The following USP8 variants were observed in gnomAD, a reference collection of about 807,000 sequenced individuals.
USP8 encodes the protein ubiquitin specific peptidase 8.
Under a neutral mutation model 130.0 loss-of-function variants are expected in USP8, and 27 were observed. The ratio of observed to expected loss-of-function variants is 0.21; its 90% CI spans 0.15 to 0.29. The LOEUF is 0.29. USP8 is among the 10% of genes least tolerant of loss of function. USP8 has a pLI of 1.00. For synonymous variants in USP8, 392 were observed against 444.1 expected, an observed-to-expected ratio of 0.88 and a Z score of 1.48; for missense variants, 1,029 against 1,312.2, an observed-to-expected ratio of 0.78 and a Z score of 3.33.
chr15:50,451,964 G>A (rs966137767), intron 4 of USP8, among the ~76,000 whole-genome samples: 9 of 152,218 alleles, frequency 5.9e-5, no homozygotes, highest in African/African-American at 2.2e-4. Context: ...CTGATGTCAT[G>A]GTCTATGACC....
intron 2 of USP8, among the ~76,000 whole-genome samples, chr15:50,439,714 C>T (rs573045035): frequency 1.6e-4 from 24 of 151,442 alleles, no homozygotes; most frequent in African/African-American, 4.1e-4. Flanking sequence ...TGCTTGAACC[C>T]GGGAGGCGGA....
intron 7 of USP8, 67 bp downstream of exon 7, chr15:50,465,258 T>G (rs1276331835): frequency 6.7e-7 from 1 of 1,497,226 alleles, no homozygotes; most frequent in African/African-American, 1.4e-5. Flanking sequence ...TTAGTAAATG[T>G]TACTACTTAG....
chr15:50,439,279 A>C, intron 2 of USP8, 102 bp downstream of exon 2: 1 of 735,336 alleles, frequency 1.4e-6, no homozygotes, highest in East Asian at 3.0e-5. Context: ...GAAAAATAAC[A>C]CCATCACACG....
chr15:50,474,162 A>T (rs3131564), intron 8 of USP8, among the ~76,000 whole-genome samples: 26,872 of 151,798 alleles, frequency 0.18, 2,635 homozygotes, highest in East Asian at 0.46. Context: ...CATCCTAGCT[A>T]ATTTTATTTT....
rs2052688906 is a variant in USP8 at position 50,508,106 on chromosome 15, T to C, written c.*9018T>C. The stretch of plus-strand genomic sequence containing the variant: ...AAAAAAAAAAAAAAGATTAGTTTAA[T>C]TTAGACCCTAGTCTTTGAACACAAT... On this transcript the variant is annotated 3_prime_UTR_variant, in exon 20 of 20. Transcript: ENST00000307179. 1.3e-5 allele frequency: 2 copies of C among 148,774 alleles called. No individual in the cohort carries two copies. The highest frequency in any genetic ancestry group is 1.3e-4 in the Admixed American group (2 of 14,932). The allele number at this position is 148,774 out of a possible 1,614,324, so 9.2% of individuals were successfully genotyped here.
Position 50,505,267 on chromosome 15 carries a change from A to G in USP8, c.*6179A>G, listed in dbSNP as rs1031393037. 1.3e-5 allele frequency: 2 copies of G among 152,186 alleles called. No individual in the cohort carries two copies. Among genetic ancestry groups the G allele is most frequent in the African/African-American group, 4.8e-5 (2 of 41,456 alleles). The allele number at this position is 152,186 out of a possible 1,614,324, so 9.4% of individuals were successfully genotyped here. ...TGCAGAACAACAGAGACAAAGAGAA[A>G]AAGCTTAAAAGCAACCAGAAAGAAA... On this transcript the variant is annotated 3_prime_UTR_variant, in exon 20 of 20. Coordinates refer to ENST00000307179, the MANE Select transcript of USP8 (RefSeq NM_005154.5).
rs1480769072 is a variant in USP8 at position 50,424,405 on chromosome 15, G to C, written c.-175G>C. On this transcript the variant is annotated 5_prime_UTR_variant, in exon 1 of 20. Transcript: ENST00000307179. ...GCAATGCAAATCGGGAAAAGGGGGT[G>C]AGCTGGGCTGGCTTCCGTCCTGGTA... 1 of 398,764 alleles carries C rather than the reference G, an allele frequency of 2.5e-6. No homozygotes were observed. Among genetic ancestry groups the C allele is most frequent in the African/African-American group, 2.1e-5 (1 of 48,778 alleles). The allele number at this position is 398,764 out of a possible 1,614,324, so 24.7% of individuals were successfully genotyped here. A position where few individuals can be genotyped will look rare whatever the true frequency, so the allele number is the denominator to read the frequency against.
chr15:50,460,569 A>T (rs1247899779), intron 5 of USP8, among the ~76,000 whole-genome samples: 1 of 151,826 alleles, frequency 6.6e-6, no homozygotes, highest in African/African-American at 2.4e-5. Context: ...TTGGCCTCCC[A>T]AAGTGTTGGG....
At chr15:50,488,456 T>C (rs964394435) in intron 12 of USP8, among the ~76,000 whole-genome samples, 1 of 151,456 alleles carries the variant, frequency 6.6e-6, no homozygotes, top group African/African-American at 2.4e-5. Flanking sequence ...CCTGACCACC[T>C]GGGCTCAAGC....
rs777660185 is a variant in USP8, at chr15:50,489,857, A to C, written c.1947A>C (p.Pro649=). ...GTGAAGAAATGGGGAGGATCGTACC[A>C]GGACTGCCTTCAGGCTGGGCCAAGG... The part of the protein sequence containing the change: ...ARSEEMGRIV[P]GLPSGWAKFL... The change falls in exon 13 of 20, where the codon CCA becomes CCC. Residue 649 remains proline (P), a synonymous_variant. Coordinates refer to ENST00000307179, the MANE Select transcript of USP8 (RefSeq NM_005154.5). The C allele has an allele frequency of 6.3e-7, 1 of 1,584,900 alleles. No individual in the cohort carries two copies. Among genetic ancestry groups the C allele is most frequent in the Non-Finnish European group, 8.6e-7 (1 of 1,166,676 alleles).
In USP8 at chr15:50,439,155, C is replaced by T. The variant is rs776989869; in HGVS notation, c.82C>T (p.Pro28Ser). The T allele has an allele frequency of 1.9e-6, 3 of 1,574,798 alleles. No individual in the cohort carries two copies. The South Asian group carries it at 3.5e-5, about 19-fold the overall frequency. ...KDLNKKTEVK[P>S]EKISTKSYVH... is the part of the protein sequence containing the mutation. The stretch of plus-strand genomic sequence containing the variant: ...CCTTAATAAGAAGACAGAAGTTAAA[C>T]CAGAGAAAATAAGCACTAAGAGGTA... The change falls in exon 2 of 20, where the codon CCA becomes TCA. Residue 28 changes from proline to serine, a missense_variant. By Grantham distance (74) the Pro-to-Ser change is moderately conservative (BLOSUM62 -1). Transcript: ENST00000307179.
chr15:50,454,916 T>TAA (rs2050744232), intron 4 of USP8, among the ~76,000 whole-genome samples: 1 of 152,046 alleles, frequency 6.6e-6, no homozygotes, highest in African/African-American at 2.4e-5. Context: ...TAGGTGGGAC[T>TAA]AAAGGCACAC....
chr15:50,500,720 G>T lies in USP8; in HGVS notation c.*1632G>T, dbSNP rs780517084. The T allele has an allele frequency of 2.8e-5, 43 of 1,522,862 alleles. No individual in the cohort carries two copies. Among genetic ancestry groups the T allele is most frequent in the Non-Finnish European group, 3.7e-5 (41 of 1,118,430 alleles). 94.3% of individuals were successfully genotyped at this position (1,522,862 alleles called of 1,614,324 possible). ...TAGAACAGGAGATCCATAGCATTTT[G>T]AACAGAAGTATCTGGAATCTCACTG... On this transcript the variant is annotated 3_prime_UTR_variant, in exon 20 of 20. Coordinates refer to ENST00000307179, the MANE Select transcript of USP8 (RefSeq NM_005154.5).
At position 50,510,625 on chromosome 15, in the gene USP8, C is replaced by G. The variant is rs1345023852; in HGVS notation, c.*11537C>G. On this transcript the variant is annotated 3_prime_UTR_variant, in exon 20 of 20. Coordinates refer to ENST00000307179, the MANE Select transcript of USP8 (RefSeq NM_005154.5). ...TTTTGATCTATGAAGTGTCACGATA[C>G]AAGATTTAAATCAGCAAAAAGTTAG... 6.6e-6 allele frequency: 1 copy of G among 152,050 alleles called. No homozygotes were observed. The highest frequency in any genetic ancestry group is 2.4e-5 in the African/African-American group (1 of 41,380). The allele number at this position is 152,050 out of a possible 1,614,324, so 9.4% of individuals were successfully genotyped here. A position where few individuals can be genotyped will look rare whatever the true frequency, so the allele number is the denominator to read the frequency against.
intron 3 of USP8, among the ~76,000 whole-genome samples, chr15:50,445,382 C>A (rs2050392983): frequency 6.8e-6 from 1 of 147,838 alleles, no homozygotes; most frequent in Admixed American, 6.8e-5. Context: ...CCCATCTCTA[C>A]TAAAAATACA....
Position 50,500,790 on chromosome 15 carries a change from C to A in USP8, c.*1702C>A. 1 of 1,590,476 alleles carries A rather than the reference C, an allele frequency of 6.3e-7. No individual in the cohort carries two copies. Among genetic ancestry groups the A allele is most frequent in the Non-Finnish European group, 8.6e-7 (1 of 1,167,980 alleles). On this transcript the variant is annotated 3_prime_UTR_variant, in exon 20 of 20. Transcript: ENST00000307179. ...TATATCAGGCCTGGGTGACTGAATT[C>A]TTGCAGAAAGCAGTGTAGTGGCCAC... is the stretch of plus-strand genomic sequence containing the variant.
intron 11 of USP8, among the ~76,000 whole-genome samples, chr15:50,483,413 A>G (rs2051843413): frequency 6.6e-6 from 1 of 152,272 alleles, no homozygotes; most frequent in Non-Finnish European, 1.5e-5. Context: ...TTATTCTAGA[A>G]TAAATTTTGT....
At chr15:50,485,347 G>A (rs2051917457) in intron 12 of USP8, among the ~76,000 whole-genome samples, 1 of 151,600 alleles carries the variant, frequency 6.6e-6, no homozygotes, top group African/African-American at 2.4e-5. Context: ...CTACTCGGGA[G>A]GCTGAGGCAG....
intron 17 of USP8, 88 bp downstream of exon 17, chr15:50,496,172 CT>C: frequency 8.9e-7 from 1 of 1,120,120 alleles, no homozygotes; most frequent in Non-Finnish European, 1.3e-6. Context: ...GGTCTTTACC[CT>C]TACAAACATT....
Sources: gnomAD v4.1 joint callset for allele counts (sites outside exome capture counted in the v4.1 genomes callset) on GRCh38, gnomAD v4.1.1 for gene constraint, MANE v1.5 for transcripts, NCBI Gene and HGNC (gene_info 2026-07-23, HGNC 2026-07-21) for gene names.